AGAP1: variants seen among roughly 807,000 people sequenced by gnomAD.
AGAP1 encodes the protein ArfGAP with GTPase domain, ankyrin repeat and PH domain 1, also known as arf-GAP with GTPase, ANK repeat and PH domain-containing protein 1.
A neutral mutation model predicts 105.3 loss-of-function variants in AGAP1; 29 were observed. That is an observed-to-expected ratio of 0.28 (90% CI 0.21 to 0.38). The LOEUF (loss-of-function observed/expected upper bound fraction) is 0.38, where lower values mean the gene tolerates loss of function less well. Among genes scored for constraint, AGAP1 ranks in the 10% least tolerant of loss-of-function variants. AGAP1 has a pLI of 1.00. For missense variants in AGAP1, 998 were observed against 1,165.1 expected (o/e 0.86, Z 2.09); for synonymous variants, 509 against 485.9 (o/e 1.05, Z -0.63).
Position 235,750,338 on chromosome 2 carries a change from T to C in AGAP1, c.539-16T>C, listed in dbSNP as rs755204272. 14 of 1,614,026 alleles carry C rather than the reference T, an allele frequency of 8.7e-6. No homozygotes were observed. Among genetic ancestry groups the C allele is most frequent in the Non-Finnish European group, 7.6e-6 (9 of 1,179,890 alleles). ...TCATTGTCACTGTGCCGTTACTTTTTGGTCTTCTGTTCCAGATGCCATAAG... is the reference window on the plus strand; with the variant it reads ...TCATTGTCACTGTGCCGTTACTTTTCGGTCTTCTGTTCCAGATGCCATAAG... On this transcript the variant is annotated splice_polypyrimidine_tract_variant and intron_variant, in intron 5 of 17. Coordinates refer to ENST00000304032, the MANE Select transcript of AGAP1 (RefSeq NM_001037131.3). This position sits in a 1 kb window ranked among gnomAD's most constrained non-coding sequence, Gnocchi z 5.3.
At chr2:236,043,012 G>A (rs919952563) in intron 15 of AGAP1, among the ~76,000 whole-genome samples, 1 of 152,182 alleles carries the variant, frequency 6.6e-6, no homozygotes, top group Non-Finnish European at 1.5e-5. Context: ...CACAGAAATA[G>A]CAAGTCCCAA....
At chr2:235,681,009 C>T (rs897184994) in intron 1 of AGAP1, among the ~76,000 whole-genome samples, 1 of 151,984 alleles carries the variant, frequency 6.6e-6, no homozygotes, top group Non-Finnish European at 1.5e-5. Flanking sequence ...TTCTAGCCCC[C>T]CCTCCCCCTT....
Position 235,701,844 on chromosome 2 carries a change from G to A in AGAP1, c.164-7335G>A, listed in dbSNP as rs1248244169. Among the ~76,000 whole-genome samples the A allele has an allele frequency of 3.3e-5, 5 of 152,024 alleles. No individual in the cohort carries two copies. Among genetic ancestry groups the A allele is most frequent in the Admixed American group, 6.6e-5 (1 of 15,264 alleles). On this transcript the variant is annotated intron_variant, in intron 1 of 17. Coordinates refer to ENST00000304032, the MANE Select transcript of AGAP1 (RefSeq NM_001037131.3). This position sits in a 1 kb window ranked among gnomAD's most constrained non-coding sequence, Gnocchi z 4.1. ...GGCTGTGGCAGCCACAGCCTCCTCC[G>A]ATGCTCCTCTCCTCTGTGGATGTAC...
Position 236,064,818 on chromosome 2 carries a change from A to G in AGAP1, c.2114+15537A>G, listed in dbSNP as rs578099654. Among the ~76,000 whole-genome samples, 16 of 152,358 alleles carry G rather than the reference A, an allele frequency of 1.1e-4. No individual in the cohort carries two copies. In the East Asian group the frequency reaches 2.7e-3, roughly 26 times the overall value. On this transcript the variant is annotated intron_variant, in intron 16 of 17. Coordinates refer to ENST00000304032, the MANE Select transcript of AGAP1 (RefSeq NM_001037131.3). ...GGAAGGAATGAACTGAGAAAGAGGA[A>G]TATGTTTTCATTCTAAATTGCCAAA...
chr2:235,926,916 A>G (rs2052476771), intron 11 of AGAP1, among the ~76,000 whole-genome samples: 1 of 152,144 alleles, frequency 6.6e-6, no homozygotes, highest in South Asian at 2.1e-4. Context: ...AGATGCTTTC[A>G]TTTTCTAAGT....
At chr2:235,529,612 G>A (rs1382774028) in intron 1 of AGAP1, among the ~76,000 whole-genome samples, 1 of 152,234 alleles carries the variant, frequency 6.6e-6, no homozygotes, top group African/African-American at 2.4e-5. Flanking sequence ...GACCTGGAAG[G>A]GAGCAGTGAG....
At position 236,123,325 on chromosome 2, in the gene AGAP1, C is replaced by T. The variant is rs531069328; in HGVS notation, c.2371-594C>T. On this transcript the variant is annotated intron_variant, in intron 17 of 17. Transcript: ENST00000304032. This position sits in a 1 kb window ranked among gnomAD's most constrained non-coding sequence, Gnocchi z 4.6. Reference sequence around the variant, plus strand: ...TGAACTCCTGGGCTGAAGTGAACCACCGCACCCAGCTTGTGTTGTGCTTCT... The same window carrying T: ...TGAACTCCTGGGCTGAAGTGAACCATCGCACCCAGCTTGTGTTGTGCTTCT... Among the ~76,000 whole-genome samples, 1 of 152,314 alleles carries T rather than the reference C, an allele frequency of 6.6e-6. No homozygotes were observed. Among genetic ancestry groups the T allele is most frequent in the Admixed American group, 6.5e-5 (1 of 15,304 alleles).
At chr2:235,722,354 T>C (rs1460048216) in intron 3 of AGAP1, among the ~76,000 whole-genome samples, 1 of 152,242 alleles carries the variant, frequency 6.6e-6, no homozygotes, top group Non-Finnish European at 1.5e-5. Context: ...TTGTTCTGAT[T>C]TAATTAGTGC....
intron 12 of AGAP1, among the ~76,000 whole-genome samples, chr2:235,937,633 G>A (rs72987087): frequency 0.027 from 4,143 of 152,326 alleles, 77 homozygotes; most frequent in Non-Finnish European, 0.041. Flanking sequence ...TGTAGTGCCC[G>A]GACCAGACCT....
chr2:235,561,665 G>C (rs922516608), intron 1 of AGAP1, among the ~76,000 whole-genome samples: 1 of 152,194 alleles, frequency 6.6e-6, no homozygotes, highest in Non-Finnish European at 1.5e-5. Context: ...GGATTACTTA[G>C]CTAATTCAGT....
chr2:235,838,036 C>T (rs2106376969), intron 9 of AGAP1, among the ~76,000 whole-genome samples: 1 of 152,228 alleles, frequency 6.6e-6, no homozygotes, highest in African/African-American at 2.4e-5. Context: ...CACAAAAAAA[C>T]TTAGCTGGGC....
At chr2:236,024,660 TTGAC>T (rs1364574556) in intron 13 of AGAP1, among the ~76,000 whole-genome samples, 1 of 152,210 alleles carries the variant, frequency 6.6e-6, no homozygotes, top group Non-Finnish European at 1.5e-5. Context: ...AAAAAAAAGT[TTGAC>T]AGCCCGGATT....
At position 235,592,173 on chromosome 2, in the gene AGAP1, G is replaced by T. The variant is rs570956761; in HGVS notation, c.163+97324G>T. Among the ~76,000 whole-genome samples, 5 of 152,332 alleles carry T rather than the reference G, an allele frequency of 3.3e-5. No homozygotes were observed. The South Asian group carries it at 1.0e-3, about 32-fold the overall frequency. ...AAGACCTGGGGAGGGAGGGTGGCTG[G>T]AGGCCAGGAGCTGTGCTAGGTATCC... On this transcript the variant is annotated intron_variant, in intron 1 of 17. Transcript: ENST00000304032.
rs1315128101 is a variant in AGAP1, at chr2:235,608,661, A to G, written c.164-100518A>G. On this transcript the variant is annotated intron_variant, in intron 1 of 17. Transcript: ENST00000304032. The surrounding 1 kb of genome is among the most constrained non-coding windows in gnomAD (Gnocchi z 5.4). ...AGAAAACAGTGGAGCCAAGAGAGGA[A>G]CGAGGTCTCTGGATTCCGGACGCCC... Among the ~76,000 whole-genome samples the G allele has an allele frequency of 6.6e-6, 1 of 152,182 alleles. No individual in the cohort carries two copies. Among genetic ancestry groups the G allele is most frequent in the Non-Finnish European group, 1.5e-5 (1 of 68,026 alleles).
intron 6 of AGAP1, among the ~76,000 whole-genome samples, chr2:235,768,391 A>G (rs1302354784): frequency 6.6e-6 from 1 of 152,264 alleles, no homozygotes; most frequent in Non-Finnish European, 1.5e-5. Flanking sequence ...TTGAATGTCT[A>G]GAATTTATAA....
chr2:235,829,054 A>C (rs1233395115), intron 9 of AGAP1, among the ~76,000 whole-genome samples: 1 of 151,344 alleles, frequency 6.6e-6, no homozygotes, highest in Non-Finnish European at 1.5e-5. Flanking sequence ...TTGTCTTTCA[A>C]CATTTGGGCT....
chr2:235,947,896 A>T (rs1223966930), intron 12 of AGAP1, among the ~76,000 whole-genome samples: 1 of 152,236 alleles, frequency 6.6e-6, no homozygotes, highest in African/African-American at 2.4e-5. Context: ...TTTTTAAATG[A>T]TTAAACTGAG....
chr2:235,663,334 C>T lies in AGAP1; in HGVS notation c.164-45845C>T, dbSNP rs890856291. 3.3e-5 allele frequency among the ~76,000 whole-genome samples: 5 copies of T among 152,126 alleles called. No individual in the cohort carries two copies. Among genetic ancestry groups the T allele is most frequent in the African/African-American group, 7.2e-5 (3 of 41,432 alleles). On this transcript the variant is annotated intron_variant, in intron 1 of 17. Coordinates refer to ENST00000304032, the MANE Select transcript of AGAP1 (RefSeq NM_001037131.3). The surrounding 1 kb of genome is among the most constrained non-coding windows in gnomAD (Gnocchi z 5.4). Reference sequence around the variant, plus strand: ...CAAAAAAAAAGAAGGGGAGCGATCACGTGCATCCCTCTGCTGAGATGGGAG... The same window carrying T: ...CAAAAAAAAAGAAGGGGAGCGATCATGTGCATCCCTCTGCTGAGATGGGAG...
intron 1 of AGAP1, among the ~76,000 whole-genome samples, chr2:235,567,525 G>A (rs1028027379): frequency 2.6e-5 from 4 of 152,292 alleles, no homozygotes; most frequent in Middle Eastern, 3.4e-3. Flanking sequence ...CTGTTCTTGC[G>A]CTGTCCATCT....
Sources: allele counts gnomAD v4.1 joint callset (sites outside exome capture counted in the v4.1 genomes callset), GRCh38; gene constraint gnomAD v4.1.1; non-coding constraint Gnocchi (gnomAD v3.1); transcripts MANE v1.5; gene names NCBI Gene and HGNC (gene_info 2026-07-23, HGNC 2026-07-21).